Variants in EPO observed in about 807,000 individuals in gnomAD.
The protein encoded by EPO is epoetin.
EPO carries 12 observed loss-of-function variants against 24.4 expected under a neutral mutation model. That is an observed-to-expected ratio of 0.49 (90% CI 0.32 to 0.80). The LOEUF is 0.80. EPO is among the 30% of genes least tolerant of loss of function. The pLI is 0.04. For synonymous variants in EPO, 107 were observed against 104.0 expected (o/e 1.03, Z -0.18); for missense variants, 210 against 238.0 (o/e 0.88, Z 0.77).
Position 100,720,900 on chromosome 7 carries a change from C to CTT in EPO, c.-81_-80insTT. On this transcript the variant is annotated 5_prime_UTR_variant, in exon 1 of 5. An upstream open reading frame in the 5' UTR gains an earlier in-frame stop. Transcript: ENST00000252723. Reference sequence around the variant, plus strand: ...GGCCCGTGGGGCTGGCCCTGCACCGCCGAGCTTCCCGGGATGAGGGCCCCC... The same window carrying CTT: ...GGCCCGTGGGGCTGGCCCTGCACCGCTTCGAGCTTCCCGGGATGAGGGCCCCC... 1.3e-6 allele frequency: 2 copies of CTT among 1,485,800 alleles called. No individual in the cohort carries two copies. Among genetic ancestry groups the CTT allele is most frequent in the South Asian group, 2.6e-5 (2 of 76,480 alleles). 92.0% of individuals were successfully genotyped at this position (1,485,800 alleles called of 1,614,324 possible).
At chr7:100,722,895 G>C (rs1806770321) in intron 4 of EPO, 52 bp downstream of exon 4, 1 of 1,606,794 alleles carries the variant, frequency 6.2e-7, no homozygotes, top group Non-Finnish European at 8.5e-7. Flanking sequence ...AGGGGAGAAG[G>C]GTCTTGCTAA....
chr7:100,722,999 G>C lies in EPO; in HGVS notation c.448G>C (p.Asp150His), dbSNP rs770204024. The change falls in exon 5 of 5, where the codon GAT becomes CAT. Residue 150 changes from aspartate (D) to histidine (H), a missense_variant. Coordinates refer to ENST00000252723, the MANE Select transcript of EPO (RefSeq NM_000799.4). ...GAQKEAISPP[D>H]AASAAPLRTI... Reference sequence around the variant, plus strand: ...GCAGAAGGAAGCCATCTCCCCTCCAGATGCGGCCTCAGCTGCTCCACTCCG... The same window carrying C: ...GCAGAAGGAAGCCATCTCCCCTCCACATGCGGCCTCAGCTGCTCCACTCCG... The C allele has an allele frequency of 6.2e-7, 1 of 1,614,098 alleles. No individual in the cohort carries two copies. The highest frequency in any genetic ancestry group is 8.5e-7 in the Non-Finnish European group (1 of 1,180,008).
chr7:100,723,046 C>T lies in EPO; in HGVS notation c.495C>T (p.Phe165=), dbSNP rs1456636405. ...TCCGAACAATCACTGCTGACACTTT[C>T]CGCAAACTCTTCCGAGTCTACTCCA... ...APLRTITADT[F]RKLFRVYSNF... The change falls in exon 5 of 5, where the codon TTC becomes TTT. Residue 165 remains phenylalanine, a synonymous_variant. Coordinates refer to ENST00000252723, the MANE Select transcript of EPO (RefSeq NM_000799.4). 2.5e-6 allele frequency: 4 copies of T among 1,614,184 alleles called. No homozygotes were observed. The highest frequency in any genetic ancestry group is 3.4e-6 in the Non-Finnish European group (4 of 1,180,036).
rs759518255 is a variant in EPO at position 100,720,989 on chromosome 7, G to A, written c.9G>A (p.Val3=). MG[V]HECPAWLWLL... is the part of the protein sequence containing the mutation. ...CCCGGCCAGGCGCGGAGATGGGGGT[G>A]CACGGTGAGTACTCGCGGGCTGGGC... The change falls in exon 1 of 5, where the codon GTG becomes GTA. Residue 3 remains valine, a synonymous_variant. Coordinates refer to ENST00000252723, the MANE Select transcript of EPO (RefSeq NM_000799.4). 2.7e-5 allele frequency: 43 copies of A among 1,579,506 alleles called. No individual in the cohort carries two copies. The highest frequency in any genetic ancestry group is 3.5e-5 in the Non-Finnish European group (41 of 1,164,790).
chr7:100,722,854 G>A lies in EPO; in HGVS notation c.426+11G>A, dbSNP rs535223720. 4 of 1,612,440 alleles carry A rather than the reference G, an allele frequency of 2.5e-6. No individual in the cohort carries two copies. In the South Asian group the frequency reaches 3.3e-5, roughly 13 times the overall value. ...GCTCTGGGAGCCCAGGTGAGTAGGA[G>A]CGGACACTTCTGCTTGCCCTTTCTG... On this transcript the variant is annotated intron_variant, in intron 4 of 4. Coordinates refer to ENST00000252723, the MANE Select transcript of EPO (RefSeq NM_000799.4).
intron 3 of EPO, 40 bp from the exon 4 acceptor site, chr7:100,722,624 T>C: frequency 6.5e-7 from 1 of 1,536,368 alleles, no homozygotes; most frequent in East Asian, 2.3e-5. Flanking sequence ...AGGGAGAGGG[T>C]GACATGGGTC....
Position 100,721,110 on chromosome 7 carries a change from G to A in EPO, c.13+117G>A. On this transcript the variant is annotated intron_variant, in intron 1 of 4. Coordinates refer to ENST00000252723, the MANE Select transcript of EPO (RefSeq NM_000799.4). The surrounding 1 kb of genome is among the most constrained non-coding windows in gnomAD (Gnocchi z 4.0). The stretch of plus-strand genomic sequence containing the variant: ...GTTCAAGGACCGGCGACTTGTCAAG[G>A]ACCCCGGAAGGGGGAGGGGGGTGGG... The A allele has an allele frequency of 2.5e-6, 1 of 401,726 alleles. No homozygotes were observed. The highest frequency in any genetic ancestry group is 4.3e-6 in the Non-Finnish European group (1 of 232,660). The allele number at this position is 401,726 out of a possible 1,614,324, so 24.9% of individuals were successfully genotyped here. A position where few individuals can be genotyped will look rare whatever the true frequency, so the allele number is the denominator to read the frequency against.
In EPO at chr7:100,722,816, C is replaced by T. The variant is rs754099124; in HGVS notation, c.399C>T (p.Thr133=). 1.2e-6 allele frequency: 2 copies of T among 1,613,600 alleles called. No homozygotes were observed. Among genetic ancestry groups the T allele is most frequent in the East Asian group, 2.2e-5 (1 of 44,872 alleles). ...CCGTCAGTGGCCTTCGCAGCCTCACCACTCTGCTTCGGGCTCTGGGAGCCC... is the reference window on the plus strand; with the variant it reads ...CCGTCAGTGGCCTTCGCAGCCTCACTACTCTGCTTCGGGCTCTGGGAGCCC... ...DKAVSGLRSL[T]TLLRALGAQK... is the part of the protein sequence containing the mutation. The change falls in exon 4 of 5, where the codon ACC becomes ACT. Residue 133 remains threonine, a synonymous_variant. Transcript: ENST00000252723.
Position 100,720,954 on chromosome 7 carries a change from G to A in EPO, c.-27G>A. 6.4e-7 allele frequency: 1 copy of A among 1,557,820 alleles called. No homozygotes were observed. Among genetic ancestry groups the A allele is most frequent in the Non-Finnish European group, 8.7e-7 (1 of 1,154,518 alleles). On this transcript the variant is annotated 5_prime_UTR_variant, in exon 1 of 5. Transcript: ENST00000252723. Reference sequence around the variant, plus strand: ...GTGGTCACCCGGCGCGCCCCAGGTCGCTGAGGGACCCCGGCCAGGCGCGGA... The same window carrying A: ...GTGGTCACCCGGCGCGCCCCAGGTCACTGAGGGACCCCGGCCAGGCGCGGA...
Position 100,720,963 on chromosome 7 carries a change from C to T in EPO, c.-18C>T, listed in dbSNP as rs1202195929. 26 of 1,566,392 alleles carry T rather than the reference C, an allele frequency of 1.7e-5. No individual in the cohort carries two copies. The highest frequency in any genetic ancestry group is 2.2e-5 in the Non-Finnish European group (26 of 1,158,522). On this transcript the variant is annotated 5_prime_UTR_variant, in exon 1 of 5. Coordinates refer to ENST00000252723, the MANE Select transcript of EPO (RefSeq NM_000799.4). Reference sequence around the variant, plus strand: ...CGGCGCGCCCCAGGTCGCTGAGGGACCCCGGCCAGGCGCGGAGATGGGGGT... The same window carrying T: ...CGGCGCGCCCCAGGTCGCTGAGGGATCCCGGCCAGGCGCGGAGATGGGGGT...
Position 100,720,987 on chromosome 7 carries a change from G to A in EPO, c.7G>A (p.Val3Met), listed in dbSNP as rs866747830. The change falls in exon 1 of 5, where the codon GTG becomes ATG. Residue 3 changes from valine to methionine, a missense_variant. Val to Met is a conservative substitution (Grantham distance 21). Transcript: ENST00000252723. MGVHECPAWLWLL... is the reference protein window; with the variant it reads MGMHECPAWLWLL... ...ACCCCGGCCAGGCGCGGAGATGGGG[G>A]TGCACGGTGAGTACTCGCGGGCTGG... 4.4e-6 allele frequency: 7 copies of A among 1,579,904 alleles called. No individual in the cohort carries two copies. Among genetic ancestry groups the A allele is most frequent in the Non-Finnish European group, 6.0e-6 (7 of 1,164,954 alleles).
rs1407113034 is a variant in EPO at position 100,721,511 on chromosome 7, AC to A, written c.14-44del. 2 of 1,592,510 alleles carry A rather than the reference AC, an allele frequency of 1.3e-6. No individual in the cohort carries two copies. The highest frequency in any genetic ancestry group is 1.1e-5 in the South Asian group (1 of 89,256). On this transcript the variant is annotated intron_variant, in intron 1 of 4. Coordinates refer to ENST00000252723, the MANE Select transcript of EPO (RefSeq NM_000799.4). This position sits in a 1 kb window ranked among gnomAD's most constrained non-coding sequence, Gnocchi z 4.0. The stretch of plus-strand genomic sequence containing the variant: ...TGAAGGAAGCTGTCCTTCCACAGCC[AC>A]CCTTCTCCCTCCCCGCCTGACTCTC...
At position 100,721,596 on chromosome 7, in the gene EPO, T is replaced by C; in HGVS notation, c.52T>C (p.Ser18Pro). Residue 18 changes from serine to proline, a missense_variant, in exon 2 of 5, where the codon TCG becomes CCG. Ser to Pro is a moderately conservative substitution (Grantham distance 74). Coordinates refer to ENST00000252723, the MANE Select transcript of EPO (RefSeq NM_000799.4). The surrounding 1 kb of genome is among the most constrained non-coding windows in gnomAD (Gnocchi z 4.0). ...GCTGTGGCTTCTCCTGTCCCTGCTG[T>C]CGCTCCCTCTGGGCCTCCCAGTCCT... Reference protein sequence around the residue: ...AWLWLLLSLLSLPLGLPVLGA... With the variant: ...AWLWLLLSLLPLPLGLPVLGA... 6.2e-7 allele frequency: 1 copy of C among 1,614,066 alleles called. No homozygotes were observed. The highest frequency in any genetic ancestry group is 8.5e-7 in the Non-Finnish European group (1 of 1,180,036).
At position 100,723,103 on chromosome 7, in the gene EPO, A is replaced by G. The variant is rs144031260; in HGVS notation, c.552A>G (p.Thr184=). The change falls in exon 5 of 5, where the codon ACA becomes ACG. Residue 184 remains threonine (T), a synonymous_variant. Coordinates refer to ENST00000252723, the MANE Select transcript of EPO (RefSeq NM_000799.4). ...TCCGGGGAAAGCTGAAGCTGTACAC[A>G]GGGGAGGCCTGCAGGACAGGGGACA... is the stretch of plus-strand genomic sequence containing the variant. ...NFLRGKLKLY[T]GEACRTGDR 1 of 1,614,034 alleles carries G rather than the reference A, an allele frequency of 6.2e-7. No homozygotes were observed. The highest frequency in any genetic ancestry group is 8.5e-7 in the Non-Finnish European group (1 of 1,180,000).
At position 100,723,080 on chromosome 7, in the gene EPO, C is replaced by T. The variant is rs2131441927; in HGVS notation, c.529C>T (p.Arg177Trp). The T allele has an allele frequency of 3.7e-6, 6 of 1,614,118 alleles. No individual in the cohort carries two copies. Among genetic ancestry groups the T allele is most frequent in the South Asian group, 1.1e-5 (1 of 91,082 alleles). Residue 177 changes from arginine (R) to tryptophan (W), a missense_variant, in exon 5 of 5, where the codon CGG becomes TGG. Arg to Trp is a moderately radical substitution (Grantham distance 101). Coordinates refer to ENST00000252723, the MANE Select transcript of EPO (RefSeq NM_000799.4). ...CTTCCGAGTCTACTCCAATTTCCTC[C>T]GGGGAAAGCTGAAGCTGTACACAGG... ...KLFRVYSNFL[R>W]GKLKLYTGEA...
At position 100,721,796 on chromosome 7, in the gene EPO, G is replaced by T; in HGVS notation, c.159+93G>T. ...CCAGGAACCTGGCACTTGGTTTGGG[G>T]TGGAGTTGGGAAGCTAGACACTGCC... On this transcript the variant is annotated intron_variant, in intron 2 of 4. Transcript: ENST00000252723. The surrounding 1 kb of genome is among the most constrained non-coding windows in gnomAD (Gnocchi z 4.0). 2.0e-6 allele frequency: 3 copies of T among 1,532,618 alleles called. No individual in the cohort carries two copies. The highest frequency in any genetic ancestry group is 1.4e-5 in the African/African-American group (1 of 72,756). 94.9% of individuals were successfully genotyped at this position (1,532,618 alleles called of 1,614,324 possible).
rs1397647049 is a variant in EPO, at chr7:100,721,323, C to G, written c.14-235C>G. Among the ~76,000 whole-genome samples, 1 of 152,150 alleles carries G rather than the reference C, an allele frequency of 6.6e-6. No individual in the cohort carries two copies. The highest frequency in any genetic ancestry group is 6.5e-5 in the Admixed American group (1 of 15,280). On this transcript the variant is annotated intron_variant, in intron 1 of 4. Transcript: ENST00000252723. This position sits in a 1 kb window ranked among gnomAD's most constrained non-coding sequence, Gnocchi z 4.0. ...CACCACTTATCTGCCAGAGGGGAAG[C>G]CTCTGTCACACCAGGATTGAAGTTT...
intron 3 of EPO, 148 bp downstream of exon 3, chr7:100,722,196 C>A: frequency 2.6e-6 from 2 of 759,764 alleles, no homozygotes; most frequent in Non-Finnish European, 4.2e-6. Context: ...CGTCTATAAT[C>A]CCAGGCTGAG....
chr7:100,723,361 G>A lies in EPO; in HGVS notation c.*228G>A. 1 of 513,984 alleles carries A rather than the reference G, an allele frequency of 1.9e-6. No homozygotes were observed. The highest frequency in any genetic ancestry group is 3.4e-6 in the Non-Finnish European group (1 of 291,314). 31.8% of individuals were successfully genotyped at this position (513,984 alleles called of 1,614,324 possible). A position where few individuals can be genotyped will look rare whatever the true frequency, so the allele number is the denominator to read the frequency against. ...GGGCCAACTTGAGGGCCCAGAGCAGGAAGCATTCAGAGAGCAGCTTTAAAC... is the reference window on the plus strand; with the variant it reads ...GGGCCAACTTGAGGGCCCAGAGCAGAAAGCATTCAGAGAGCAGCTTTAAAC... On this transcript the variant is annotated 3_prime_UTR_variant, in exon 5 of 5. Coordinates refer to ENST00000252723, the MANE Select transcript of EPO (RefSeq NM_000799.4).
Sources: gnomAD v4.1 joint callset for allele counts (sites outside exome capture counted in the v4.1 genomes callset) on GRCh38, gnomAD v4.1.1 for gene constraint, Gnocchi (gnomAD v3.1) non-coding constraint, MANE v1.5 for transcripts, NCBI Gene and HGNC (gene_info 2026-07-23, HGNC 2026-07-21) for gene names.